The following MAP3K5 variants were observed in gnomAD, a reference collection of about 807,000 sequenced individuals.
MAP3K5 encodes ASK-1.
MAP3K5 carries 56 observed loss-of-function variants against 158.7 expected under a neutral mutation model. The observed-to-expected ratio is 0.35, with a 90% CI of 0.28 to 0.44. MAP3K5 has a LOEUF of 0.44. Among genes scored for constraint, MAP3K5 ranks in the 20% least tolerant of loss-of-function variants. MAP3K5 has a pLI of 1.00. For missense variants in MAP3K5, 1,294 were observed against 1,674.8 expected (o/e 0.77, Z 3.97); for synonymous variants, 579 against 601.7 (o/e 0.96, Z 0.55).
At chr6:136,729,678 C>T (rs1040306476) in intron 1 of MAP3K5, among the ~76,000 whole-genome samples, 1 of 152,180 alleles carries the variant, frequency 6.6e-6, no homozygotes, top group Non-Finnish European at 1.5e-5. Flanking sequence ...TGGATGGATC[C>T]ATCCATGTCC....
At chr6:136,710,418 A>G (rs948824354) in intron 2 of MAP3K5, among the ~76,000 whole-genome samples, 1 of 152,152 alleles carries the variant, frequency 6.6e-6, no homozygotes, top group Admixed American at 6.6e-5. Context: ...CCCCGGCTAT[A>G]CCAGAAACAT....
At chr6:136,687,364 G>A (rs1055432786) in intron 7 of MAP3K5, among the ~76,000 whole-genome samples, 8 of 152,182 alleles carry the variant, frequency 5.3e-5, no homozygotes, top group Admixed American at 3.9e-4. Context: ...ATAGGTATGA[G>A]CAAAGACTTC....
intron 1 of MAP3K5, among the ~76,000 whole-genome samples, chr6:136,722,201 C>T (rs1781772025): frequency 6.6e-6 from 1 of 152,140 alleles, no homozygotes; most frequent in Admixed American, 6.5e-5. Context: ...TTTAGTAAGG[C>T]ATCAAGATGC....
At chr6:136,731,968 G>A (rs1216157694) in intron 1 of MAP3K5, among the ~76,000 whole-genome samples, 1 of 152,128 alleles carries the variant, frequency 6.6e-6, no homozygotes, top group Non-Finnish European at 1.5e-5. Context: ...GAGATTGTAC[G>A]CATTTTTGAA....
intron 11 of MAP3K5, among the ~76,000 whole-genome samples, chr6:136,643,074 CAT>C (rs200936819): frequency 0.016 from 2,450 of 152,224 alleles, 77 homozygotes; most frequent in African/African-American, 0.055. Context: ...TGTGAACACA[CAT>C]GTGTACAGTG....
At chr6:136,694,009 A>AAAATC in intron 7 of MAP3K5, 131 bp downstream of exon 7, 2 of 666,724 alleles carry the variant, frequency 3.0e-6, no homozygotes, top group Non-Finnish European at 4.7e-6. Flanking sequence ...AAAATAAAAT[A>AAAATC]AAATCTAAGG....
intron 13 of MAP3K5, 23 bp downstream of exon 13, chr6:136,639,520 C>T (rs201181781): frequency 6.0e-5 from 82 of 1,355,774 alleles, no homozygotes; most frequent in Non-Finnish European, 8.1e-5. Context: ...GAATCTTTTT[C>T]ACACACAATG....
chr6:136,592,393 C>G (rs1775426916), intron 22 of MAP3K5, 44 bp downstream of exon 22: 3 of 1,604,820 alleles, frequency 1.9e-6, no homozygotes, highest in Non-Finnish European at 2.6e-6. Context: ...AAATGACACA[C>G]TTAACAACAC....
In MAP3K5 at chr6:136,567,670, AGTGACCG is replaced by A; in HGVS notation, c.3715_3721del (p.Arg1239Ter). 1 of 1,614,208 alleles carries A rather than the reference AGTGACCG, an allele frequency of 6.2e-7. No individual in the cohort carries two copies. The highest frequency in any genetic ancestry group is 8.5e-7 in the Non-Finnish European group (1 of 1,180,032). Reference sequence around the variant, plus strand: ...TTTCATCCTTCCAAGCTGTACATTCAGTGACCGGTGAGCACTCTGGGAATCATGAGAC... The same window carrying A: ...TTTCATCCTTCCAAGCTGTACATTCAGTGAGCACTCTGGGAATCATGAGAC... On this transcript the variant is annotated frameshift_variant, in exon 26 of 30. Transcript: ENST00000359015. LOFTEE classifies it high-confidence loss of function.
At chr6:136,681,512 A>G (rs1779931780) in intron 7 of MAP3K5, among the ~76,000 whole-genome samples, 1 of 152,180 alleles carries the variant, frequency 6.6e-6, no homozygotes, top group African/African-American at 2.4e-5. Flanking sequence ...GCACATCAGT[A>G]GTCATGGATA....
At chr6:136,719,952 A>G (rs1172957362) in intron 2 of MAP3K5, among the ~76,000 whole-genome samples, 2 of 152,330 alleles carry the variant, frequency 1.3e-5, no homozygotes, top group South Asian at 2.1e-4. Flanking sequence ...GACAGGTTGA[A>G]TTTTGTAGAC....
chr6:136,659,105 G>T, intron 9 of MAP3K5, 114 bp downstream of exon 9: 1 of 954,038 alleles, frequency 1.0e-6, no homozygotes, highest in Non-Finnish European at 1.5e-6. Flanking sequence ...TCTATATTCT[G>T]CATTTTATTT....
chr6:136,686,493 G>A (rs961615328), intron 7 of MAP3K5, among the ~76,000 whole-genome samples: 7 of 152,136 alleles, frequency 4.6e-5, no homozygotes, highest in African/African-American at 1.7e-4. Context: ...GTCTCTGTTT[G>A]CAGATGACAT....
In MAP3K5 at chr6:136,669,763, CAT is replaced by C. The variant is rs1382955597; in HGVS notation, c.1254-370_1254-369del. On this transcript the variant is annotated intron_variant, in intron 7 of 29. Transcript: ENST00000359015. ...TATTATACAGTATGATATGGAATAA[CAT>C]ATATTCCAAATGTTAGAAAGCTATG... 5.3e-5 allele frequency among the ~76,000 whole-genome samples: 8 copies of C among 152,102 alleles called. 1 individual carries two copies. The South Asian group carries it at 1.0e-3, about 20-fold the overall frequency.
chr6:136,562,940 A>C (rs1830583442), intron 26 of MAP3K5, among the ~76,000 whole-genome samples: 1 of 150,782 alleles, frequency 6.6e-6, no homozygotes, highest in Non-Finnish European at 1.5e-5. Context: ...AGCCTCTCAA[A>C]GCTCTGGGAT....
intron 2 of MAP3K5, among the ~76,000 whole-genome samples, chr6:136,708,762 C>T (rs930648123): frequency 6.6e-6 from 1 of 152,104 alleles, no homozygotes; most frequent in African/African-American, 2.4e-5. Flanking sequence ...GGCTCACGAA[C>T]AAGGAAGCTG....
chr6:136,653,300 C>T (rs550716630), intron 10 of MAP3K5, among the ~76,000 whole-genome samples: 15 of 152,076 alleles, frequency 9.9e-5, no homozygotes, highest in Admixed American at 2.6e-4. Context: ...TTTTCTTTTG[C>T]CCAGAGTCAC....
intron 10 of MAP3K5, among the ~76,000 whole-genome samples, chr6:136,655,156 G>A (rs1336048491): frequency 6.6e-6 from 1 of 152,150 alleles, no homozygotes; most frequent in Non-Finnish European, 1.5e-5. Context: ...TCAAAGTGAC[G>A]AATTTGAATG....
intron 29 of MAP3K5, 94 bp from the exon 30 acceptor site, chr6:136,557,912 T>C: frequency 1.2e-6 from 1 of 833,492 alleles, no homozygotes; most frequent in South Asian, 1.4e-5. Context: ...TCATCTGCTC[T>C]GGTCAGAAGA....
Sources: gnomAD v4.1 joint callset for allele counts (sites outside exome capture counted in the v4.1 genomes callset) on GRCh38, gnomAD v4.1.1 for gene constraint, MANE v1.5 for transcripts, NCBI Gene and HGNC (gene_info 2026-07-23, HGNC 2026-07-21) for gene names.